The following FYB2 variants were observed in gnomAD, a reference collection of about 807,000 sequenced individuals.
FYB2 encodes the protein FYN binding protein 2, also known as FYN-binding protein 2.
Under a neutral mutation model 94.1 loss-of-function variants are expected in FYB2, and 103 were observed. The ratio of observed to expected loss-of-function variants is 1.09; its 90% CI spans 0.93 to 1.29. The LOEUF is 1.29. Among genes scored for constraint, FYB2 ranks in the 50% most tolerant of loss-of-function variants. The pLI is 0.00. For synonymous variants in FYB2, 293 were observed against 287.9 expected (o/e 1.02, Z -0.18); for missense variants, 896 against 841.5 (o/e 1.06, Z -0.80).
At chr1:56,760,554 A>G (rs918044314) in intron 5 of FYB2, among the ~76,000 whole-genome samples, 2 of 152,162 alleles carry the variant, frequency 1.3e-5, no homozygotes, top group African/African-American at 4.8e-5. Context: ...CCCAATATCC[A>G]TTCCTGATAT....
At chr1:56,748,096 T>G (rs1358044106) in intron 9 of FYB2, among the ~76,000 whole-genome samples, 4 of 152,136 alleles carry the variant, frequency 2.6e-5, no homozygotes, top group Non-Finnish European at 1.5e-5. Context: ...TTGATGGGGT[T>G]GTTTTATTCT....
intron 7 of FYB2, among the ~76,000 whole-genome samples, chr1:56,755,151 T>C (rs192177504): frequency 2.3e-3 from 351 of 152,202 alleles, no homozygotes; most frequent in African/African-American, 8.0e-3. Flanking sequence ...CACTACTATG[T>C]GCCAGGGCAT....
intron 1 of FYB2, among the ~76,000 whole-genome samples, chr1:56,818,966 G>A (rs12084638): frequency 6.6e-6 from 1 of 152,052 alleles, no homozygotes; most frequent in Non-Finnish European, 1.5e-5. Context: ...GCCAGCGGGC[G>A]CTTCAACGGA....
chr1:56,720,515 T>A, intron 17 of FYB2, 186 bp from the exon 18 acceptor site: 1 of 436,458 alleles, frequency 2.3e-6, no homozygotes, highest in East Asian at 3.7e-5. Flanking sequence ...AAGAAAATAA[T>A]AGTAAAATGG....
intron 8 of FYB2, 55 bp from the exon 9 acceptor site, chr1:56,751,258 C>T: frequency 1.3e-6 from 2 of 1,522,066 alleles, no homozygotes; most frequent in South Asian, 2.4e-5. Context: ...CTAATCAGTT[C>T]TTTGCTTACT....
chr1:56,815,233 C>A (rs963972852), intron 1 of FYB2, among the ~76,000 whole-genome samples: 1 of 152,140 alleles, frequency 6.6e-6, no homozygotes, highest in Non-Finnish European at 1.5e-5. Context: ...CCTTCTCCCC[C>A]TCCTTCACTC....
At chr1:56,819,702 A>T (rs1331997362), upstream of FYB2, 11 of 301,592 alleles carry the variant, frequency 3.6e-5, no homozygotes, top group Non-Finnish European at 7.0e-5. Context: ...AGTACAGACC[A>T]TGCAGGCTGG....
intron 6 of FYB2, 34 bp from the exon 7 acceptor site, chr1:56,755,961 A>T (rs755453510): frequency 6.3e-7 from 1 of 1,579,264 alleles, no homozygotes; most frequent in Non-Finnish European, 8.7e-7. Flanking sequence ...TATTTTCATA[A>T]ATCAACCTGA....
In FYB2 at chr1:56,719,072, A is replaced by AATT. The variant is rs1644438412; in HGVS notation, c.*596_*598dup. 1 of 152,336 alleles carries AATT rather than the reference A, an allele frequency of 6.6e-6. No individual in the cohort carries two copies. The highest frequency in any genetic ancestry group is 2.4e-5 in the African/African-American group (1 of 41,456). 9.4% of individuals were successfully genotyped at this position (152,336 alleles called of 1,614,324 possible). On this transcript the variant is annotated 3_prime_UTR_variant, in exon 20 of 20. Transcript: ENST00000343433. ...AAAATGATGGGTGAATTTAGGAATA[A>AATT]ATTATTTTTCTGCAAACTATTCCCA...
chr1:56,800,830 T>G (rs1056645655), intron 1 of FYB2, among the ~76,000 whole-genome samples: 3 of 152,168 alleles, frequency 2.0e-5, no homozygotes, highest in Non-Finnish European at 4.4e-5. Context: ...AGAGTCTTGA[T>G]GGTCCTAATA....
intron 9 of FYB2, among the ~76,000 whole-genome samples, chr1:56,748,912 TA>T (rs2100669636): frequency 6.6e-6 from 1 of 152,144 alleles, no homozygotes; most frequent in Non-Finnish European, 1.5e-5. Flanking sequence ...TCCCAGTTTT[TA>T]TTTGTCTGAC....
chr1:56,781,438 A>T (rs577973172), intron 4 of FYB2, among the ~76,000 whole-genome samples: 1 of 152,096 alleles, frequency 6.6e-6, no homozygotes, highest in Non-Finnish European at 1.5e-5. Context: ...CATTTTGACT[A>T]CCCTGTCCGT....
At chr1:56,742,492 A>G (rs1245840650) in intron 11 of FYB2, among the ~76,000 whole-genome samples, 1 of 152,082 alleles carries the variant, frequency 6.6e-6, no homozygotes, top group African/African-American at 2.4e-5. Flanking sequence ...TGGTTCTTCA[A>G]TAGATTCCTT....
chr1:56,808,010 T>C (rs1646684478), intron 1 of FYB2, among the ~76,000 whole-genome samples: 1 of 152,186 alleles, frequency 6.6e-6, no homozygotes, highest in African/African-American at 2.4e-5. Flanking sequence ...ATCATTATTA[T>C]TACTGGTGTT....
intron 2 of FYB2, among the ~76,000 whole-genome samples, chr1:56,790,215 G>A: frequency 6.6e-6 from 1 of 152,116 alleles, no homozygotes; most frequent in East Asian, 1.9e-4. Flanking sequence ...ATATACTCCT[G>A]GGAGACTTCC....
At chr1:56,790,110 G>A (rs146886290) in intron 2 of FYB2, among the ~76,000 whole-genome samples, 1 of 152,286 alleles carries the variant, frequency 6.6e-6, no homozygotes, top group East Asian at 1.9e-4. Context: ...AAAATCTTAT[G>A]TAATCCAACT....
intron 5 of FYB2, among the ~76,000 whole-genome samples, chr1:56,767,292 A>G (rs899861289): frequency 5.3e-5 from 8 of 152,212 alleles, no homozygotes; most frequent in African/African-American, 1.9e-4. Flanking sequence ...CTTTACTCAC[A>G]AAAATGTCCC....
chr1:56,803,464 A>G (rs61484242), intron 1 of FYB2, among the ~76,000 whole-genome samples: 3,544 of 152,276 alleles, frequency 0.023, 127 homozygotes, highest in African/African-American at 0.079. Flanking sequence ...GGCATAATCA[A>G]TGGTAGCTGG....
chr1:56,815,354 A>G (rs567168399), intron 1 of FYB2, among the ~76,000 whole-genome samples: 1 of 152,248 alleles, frequency 6.6e-6, no homozygotes, highest in African/African-American at 2.4e-5. Context: ...ATCCATACTC[A>G]GTGCTTCCAT....
Sources: gnomAD v4.1 joint callset for allele counts (sites outside exome capture counted in the v4.1 genomes callset) on GRCh38, gnomAD v4.1.1 for gene constraint, MANE v1.5 for transcripts, NCBI Gene and HGNC (gene_info 2026-07-23, HGNC 2026-07-21) for gene names.